CARS2: variants seen among roughly 807,000 people sequenced by gnomAD.
CARS2 encodes probable cysteine--tRNA ligase, mitochondrial.
In CARS2, 52 loss-of-function variants were observed where a neutral mutation model predicts 68.8. The observed-to-expected ratio is 0.76, with a 90% CI of 0.61 to 0.95. CARS2 has a LOEUF of 0.95. CARS2 is among the 40% of genes least tolerant of loss of function. The pLI is 0.00. For missense variants in CARS2, 780 were observed against 754.2 expected, an observed-to-expected ratio of 1.03 and a Z score of -0.40; for synonymous variants, 314 against 303.6, an observed-to-expected ratio of 1.03 and a Z score of -0.36.
chr13:110,649,931 C>CTGTTTTTTTTTTTTTGTTTT (rs1249270267), intron 10 of CARS2, among the ~76,000 whole-genome samples: 1 of 73,146 alleles, frequency 1.4e-5, no homozygotes. Flanking sequence ...TGGATAACGA[C>CTGTTTTTTTTTTTTTGTTTT]TTTTTTTTTT....
intron 6 of CARS2, among the ~76,000 whole-genome samples, chr13:110,677,498 A>AC (rs1231049099): frequency 1.7e-5 from 2 of 116,452 alleles, no homozygotes; most frequent in South Asian, 3.0e-4. Flanking sequence ...AAACTCAGTC[A>AC]CCCCCACCAG....
intron 6 of CARS2, among the ~76,000 whole-genome samples, chr13:110,679,597 A>AAGAG (rs1198413028): frequency 1.1e-3 from 47 of 43,690 alleles, no homozygotes; most frequent in African/African-American, 2.1e-3. Flanking sequence ...GAAAGAAAGA[A>AAGAG]AGAGAGAGAG....
chr13:110,641,632 A>G (rs551003423), intron 14 of CARS2, 24 bp from the exon 15 acceptor site: 2 of 1,587,208 alleles, frequency 1.3e-6, no homozygotes, highest in Non-Finnish European at 1.7e-6. Context: ...GTGAGGTCCA[A>G]CTCTGAGCAG....
intron 12 of CARS2, chr13:110,645,222 C>T (rs945160416): frequency 6.6e-6 from 1 of 152,436 alleles, no homozygotes; most frequent in Non-Finnish European, 1.5e-5. Context: ...GTATTTGGAC[C>T]GAAGGCACCC....
chr13:110,687,971 G>A lies in CARS2; in HGVS notation c.441C>T (p.Phe147=), dbSNP rs141846564. 8.7e-6 allele frequency: 14 copies of A among 1,612,690 alleles called. No homozygotes were observed. The highest frequency in any genetic ancestry group is 1.2e-5 in the Non-Finnish European group (14 of 1,179,566). ...CCTTCAGGGCTGCCATGTCCTGCTT[G>A]AAGTCTTCCTCATAAAGACTGGCGA... is the stretch of plus-strand genomic sequence containing the variant. ...ASLASLYEED[F]KQDMAALKVL... The change falls in exon 4 of 15, where the codon TTC becomes TTT. Residue 147 remains phenylalanine, a synonymous_variant. Coordinates refer to ENST00000257347, the MANE Select transcript of CARS2 (RefSeq NM_024537.4).
chr13:110,695,487 G>A (rs2063593786), intron 3 of CARS2, among the ~76,000 whole-genome samples: 1 of 151,978 alleles, frequency 6.6e-6, no homozygotes, highest in Non-Finnish European at 1.5e-5. Flanking sequence ...GGGGGTCCTG[G>A]AACCAAAACA....
Position 110,712,829 on chromosome 13 carries a change from C to T in CARS2, n.399+308G>A, listed in dbSNP as rs950871784. On this transcript the variant is annotated intron_variant and non_coding_transcript_variant, in intron 1 of 2. Transcript: ENST00000485188. Reference sequence around the variant, plus strand: ...TATCCACCTCTTCTGGGGCTCGGCACTAGGAAGCAGCTTCCCTCTCAGGCC... The same window carrying T: ...TATCCACCTCTTCTGGGGCTCGGCATTAGGAAGCAGCTTCCCTCTCAGGCC... The T allele has an allele frequency of 4.2e-6, 4 of 943,816 alleles. No homozygotes were observed. In the African/African-American group the frequency reaches 4.8e-5, roughly 11 times the overall value. The allele number at this position is 943,816 out of a possible 1,614,324, so 58.5% of individuals were successfully genotyped here.
rs1052313757 is a variant in CARS2 at position 110,664,737 on chromosome 13, G to A, written c.920-1219C>T. 7.0e-6 allele frequency: 5 copies of A among 711,570 alleles called. No individual in the cohort carries two copies. The African/African-American group carries it at 7.7e-5, about 11-fold the overall frequency. 44.1% of individuals were successfully genotyped at this position (711,570 alleles called of 1,614,324 possible). On this transcript the variant is annotated intron_variant, in intron 8 of 14. Transcript: ENST00000257347. Reference sequence around the variant, plus strand: ...TCAAAATCCTCAGCCCTCAGGTGACGGTAACTGAAGGCAGGGCCTGTGGGA... The same window carrying A: ...TCAAAATCCTCAGCCCTCAGGTGACAGTAACTGAAGGCAGGGCCTGTGGGA...
chr13:110,699,192 T>C (rs1364095336), intron 3 of CARS2, among the ~76,000 whole-genome samples: 1 of 152,200 alleles, frequency 6.6e-6, no homozygotes, highest in African/African-American at 2.4e-5. Flanking sequence ...AATACGTTTC[T>C]ATTCATTATA....
intron 7 of CARS2, among the ~76,000 whole-genome samples, chr13:110,672,565 A>G (rs2062831091): frequency 6.6e-6 from 1 of 152,246 alleles, no homozygotes; most frequent in South Asian, 2.1e-4. Context: ...CATTTAAAGC[A>G]GTGTGTAGAG....
intron 13 of CARS2, chr13:110,644,095 T>C: frequency 4.5e-6 from 6 of 1,324,888 alleles, no homozygotes; most frequent in Non-Finnish European, 5.9e-6. Flanking sequence ...ATTCTGAGAG[T>C]CTTTGAACAT....
chr13:110,698,760 T>C (rs1260820953), intron 3 of CARS2, among the ~76,000 whole-genome samples: 1 of 152,048 alleles, frequency 6.6e-6, no homozygotes, highest in African/African-American at 2.4e-5. Context: ...TCCTAGCACT[T>C]TGGGAGGCCG....
intron 7 of CARS2, among the ~76,000 whole-genome samples, chr13:110,674,467 G>A (rs1234771921): frequency 2.0e-5 from 3 of 151,340 alleles, no homozygotes; most frequent in South Asian, 4.2e-4. Context: ...AATGGGGAAA[G>A]GATTCCCTAT....
chr13:110,676,884 T>C lies in CARS2; in HGVS notation c.785+90A>G. On this transcript the variant is annotated intron_variant, in intron 7 of 14. Coordinates refer to ENST00000257347, the MANE Select transcript of CARS2 (RefSeq NM_024537.4). This position sits in a 1 kb window ranked among gnomAD's most constrained non-coding sequence, Gnocchi z 4.0. ...TCACCCATGGGCACACGTGCCAGGC[T>C]GCACCTGCTCCCATGCACATCCTCT... The C allele has an allele frequency of 7.1e-7, 1 of 1,411,904 alleles. No homozygotes were observed. Among genetic ancestry groups the C allele is most frequent in the Non-Finnish European group, 9.3e-7 (1 of 1,073,056 alleles). The allele number at this position is 1,411,904 out of a possible 1,614,324, so 87.5% of individuals were successfully genotyped here.
rs570670194 is a variant in CARS2 at position 110,674,146 on chromosome 13, T to G, written c.785+2828A>C. 2.0e-4 allele frequency among the ~76,000 whole-genome samples: 30 copies of G among 152,276 alleles called. No individual in the cohort carries two copies. In the South Asian group the frequency reaches 6.2e-3, roughly 32 times the overall value. Reference sequence around the variant, plus strand: ...AATGGCCATACTGCCCAAGGTAACTTATAGATTCAATGCCATCCCTATCAA... The same window carrying G: ...AATGGCCATACTGCCCAAGGTAACTGATAGATTCAATGCCATCCCTATCAA... On this transcript the variant is annotated intron_variant, in intron 7 of 14. Coordinates refer to ENST00000257347, the MANE Select transcript of CARS2 (RefSeq NM_024537.4).
intron 7 of CARS2, among the ~76,000 whole-genome samples, chr13:110,669,867 T>C (rs1434827031): frequency 6.6e-6 from 1 of 152,186 alleles, no homozygotes; most frequent in Non-Finnish European, 1.5e-5. Flanking sequence ...ACCCTAATAC[T>C]GTGCTTTTCC....
intron 3 of CARS2, among the ~76,000 whole-genome samples, chr13:110,689,314 C>T (rs1431483416): frequency 2.6e-5 from 4 of 152,236 alleles, no homozygotes; most frequent in Admixed American, 6.5e-5. Context: ...AGCTGCTCCA[C>T]GCAGCCTCGG....
At chr13:110,698,093 C>A in intron 3 of CARS2, 1 of 398,248 alleles carries the variant, frequency 2.5e-6, no homozygotes, top group Non-Finnish European at 4.9e-6. Context: ...CTAGTTCCAC[C>A]CCATTTCACA....
At chr13:110,678,842 G>A (rs1483831870) in intron 6 of CARS2, among the ~76,000 whole-genome samples, 2 of 152,130 alleles carry the variant, frequency 1.3e-5, no homozygotes, top group Non-Finnish European at 2.9e-5. Context: ...CGGTGGGAGG[G>A]GGGAAGAGTG....
Sources: gnomAD v4.1 joint callset for allele counts (sites outside exome capture counted in the v4.1 genomes callset) on GRCh38, gnomAD v4.1.1 for gene constraint, Gnocchi (gnomAD v3.1) non-coding constraint, MANE v1.5 for transcripts, NCBI Gene and HGNC (gene_info 2026-07-23, HGNC 2026-07-21) for gene names.